CDC42EP4: variants seen among roughly 807,000 people sequenced by gnomAD.
The protein encoded by CDC42EP4 is CDC42 effector protein (Rho GTPase binding) 4.
Under a neutral mutation model 5.6 loss-of-function variants are expected in CDC42EP4, and 6 were observed. The ratio of observed to expected loss-of-function variants is 1.07; its 90% confidence interval spans 0.59 to 2.12. The LOEUF is 2.12. Among genes scored for constraint, CDC42EP4 ranks in the 30% most tolerant of loss-of-function variants. The pLI is 0.00. For missense variants in CDC42EP4, 490 were observed against 508.6 expected (o/e 0.96, Z 0.35); for synonymous variants, 230 against 224.2 (o/e 1.03, Z -0.23).
intron 1 of CDC42EP4, among the ~76,000 whole-genome samples, chr17:73,291,244 GGAAGGGTCCTGA>G (rs2062160002): frequency 6.6e-6 from 1 of 152,132 alleles, no homozygotes; most frequent in Non-Finnish European, 1.5e-5. Context: ...TAACCAGCAA[GGAAGGGTCCTGA>G]GAGAGTTGGG....
In CDC42EP4 at chr17:73,286,579, GGGCA is replaced by G; in HGVS notation, c.-83_-80del. On this transcript the variant is annotated 5_prime_UTR_variant, in exon 2 of 2. It removes the in-frame stop codon of an upstream open reading frame in the 5' UTR. Transcript: ENST00000335793. This position sits in a 1 kb window ranked among gnomAD's most constrained non-coding sequence, Gnocchi z 7.7. Reference sequence around the variant, plus strand: ...GTCAGATCTGAAGTCCAAGTCCAGTGGGCAGAGGGGGACGCAATGAGGAGATCAT... The same window carrying G: ...GTCAGATCTGAAGTCCAAGTCCAGTGGAGGGGGACGCAATGAGGAGATCAT... 1 of 1,007,894 alleles carries G rather than the reference GGGCA, an allele frequency of 9.9e-7. No individual in the cohort carries two copies. Among genetic ancestry groups the G allele is most frequent in the Non-Finnish European group, 1.4e-6 (1 of 697,728 alleles). 62.4% of individuals were successfully genotyped at this position (1,007,894 alleles called of 1,614,324 possible).
At chr17:73,288,764 T>G in intron 1 of CDC42EP4, among the ~76,000 whole-genome samples, 1 of 152,046 alleles carries the variant, frequency 6.6e-6, no homozygotes. Flanking sequence ...GCTTCCCTGT[T>G]CTCTCAAGCC....
intron 1 of CDC42EP4, among the ~76,000 whole-genome samples, chr17:73,302,033 T>C (rs9915980): frequency 0.45 from 68,915 of 151,814 alleles, 16,254 homozygotes; most frequent in East Asian, 0.58. Flanking sequence ...AGGGTTTCAC[T>C]GTGTTGGCCA....
At chr17:73,289,812 G>A (rs200438713) in intron 1 of CDC42EP4, among the ~76,000 whole-genome samples, 3 of 137,724 alleles carry the variant, frequency 2.2e-5, no homozygotes, top group Non-Finnish European at 4.7e-5. Flanking sequence ...AAAAGAAAGA[G>A]AGAAAGAAAA....
intron 1 of CDC42EP4, among the ~76,000 whole-genome samples, chr17:73,292,684 C>T (rs1243253753): frequency 2.0e-5 from 3 of 152,006 alleles, no homozygotes; most frequent in Non-Finnish European, 2.9e-5. Context: ...AGGAACCAGC[C>T]GGGTCAGAAG....
chr17:73,311,438 GC>G (rs1175036159), intron 1 of CDC42EP4: 1 of 152,622 alleles, frequency 6.6e-6, no homozygotes, highest in African/African-American at 2.4e-5. Context: ...GCGCACACAC[GC>G]CCCCCTCGCG....
chr17:73,286,561 C>G lies in CDC42EP4; in HGVS notation c.-61G>C, dbSNP rs762458530. The stretch of plus-strand genomic sequence containing the variant: ...GTAGCCGGCAGGTCTGGGGTCAGAT[C>G]TGAAGTCCAAGTCCAGTGGGCAGAG... On this transcript the variant is annotated 5_prime_UTR_variant, in exon 2 of 2. Transcript: ENST00000335793. The surrounding 1 kb of genome is among the most constrained non-coding windows in gnomAD (Gnocchi z 7.7). The G allele has an allele frequency of 7.5e-7, 1 of 1,334,318 alleles. No individual in the cohort carries two copies. Among genetic ancestry groups the G allele is most frequent in the Admixed American group, 2.3e-5 (1 of 43,270 alleles). The allele number at this position is 1,334,318 out of a possible 1,614,324, so 82.7% of individuals were successfully genotyped here.
At chr17:73,309,038 CA>C (rs57714877) in intron 1 of CDC42EP4, among the ~76,000 whole-genome samples, 19 of 34,012 alleles carry the variant, frequency 5.6e-4, no homozygotes, top group South Asian at 4.1e-3. Context: ...GCTCTGTCTC[CA>C]AAAAAAAAAA....
intron 1 of CDC42EP4, among the ~76,000 whole-genome samples, chr17:73,294,925 T>G (rs1014347313): frequency 2.0e-5 from 3 of 152,066 alleles, no homozygotes; most frequent in African/African-American, 7.2e-5. Flanking sequence ...TCTCCTGCCT[T>G]AGCCTCCTGA....
At chr17:73,288,755 CTTCCCTG>C (rs888950878) in intron 1 of CDC42EP4, among the ~76,000 whole-genome samples, 1 of 152,176 alleles carries the variant, frequency 6.6e-6, no homozygotes, top group African/African-American at 2.4e-5. Flanking sequence ...CCCCCATCCG[CTTCCCTG>C]TTCTCTCAAG....
rs374095213 is a variant in CDC42EP4, at chr17:73,306,023, A to G, written c.-113+5870T>C. On this transcript the variant is annotated intron_variant, in intron 1 of 1. Transcript: ENST00000335793. ...CGGATCTGGTTTCTTTCCTGATCTG[A>G]GTTCCCTCATCCCGTCACCTTTTAA... is the stretch of plus-strand genomic sequence containing the variant. Among the ~76,000 whole-genome samples the G allele has an allele frequency of 9.9e-5, 15 of 152,254 alleles. No individual in the cohort carries two copies. In the East Asian group the frequency reaches 2.5e-3, roughly 26 times the overall value.
At chr17:73,309,599 G>A (rs1212176603) in intron 1 of CDC42EP4, among the ~76,000 whole-genome samples, 1 of 152,104 alleles carries the variant, frequency 6.6e-6, no homozygotes, top group Non-Finnish European at 1.5e-5. Flanking sequence ...GAAAAGAGAA[G>A]AGGAATCCAA....
chr17:73,296,366 C>T (rs566351525), intron 1 of CDC42EP4, among the ~76,000 whole-genome samples: 2 of 146,092 alleles, frequency 1.4e-5, no homozygotes, highest in Admixed American at 7.0e-5. Context: ...TGCAGTGAGC[C>T]GAGATCACGC....
Position 73,285,994 on chromosome 17 carries a change from G to A in CDC42EP4, c.507C>T (p.Ala169=), listed in dbSNP as rs200911044. ...TEEAVPRRNG[A]AGPHSPDPLL... ...GGGGGTCAGGGGAATGTGGACCCGC[G>A]GCCCCATTCCGACGGGGCACTGCCT... The change falls in exon 2 of 2, where the codon GCC becomes GCT. Residue 169 remains alanine, a synonymous_variant. Coordinates refer to ENST00000335793, the MANE Select transcript of CDC42EP4 (RefSeq NM_012121.5). This position sits in a 1 kb window ranked among gnomAD's most constrained non-coding sequence, Gnocchi z 6.8. The A allele has an allele frequency of 2.4e-4, 386 of 1,613,362 alleles. 2 individuals are homozygous for A. In the Admixed American group the frequency reaches 5.7e-3, roughly 24 times the overall value.
rs139522601 is a variant in CDC42EP4 at position 73,286,228 on chromosome 17, C to T, written c.273G>A (p.Ser91=). The T allele has an allele frequency of 2.3e-4, 379 of 1,614,182 alleles. 1 individual carries two copies. In the African/African-American group the frequency reaches 3.8e-3, roughly 16 times the overall value. The part of the protein sequence containing the change: ...RKFRGSKRSQ[S]VTRGEREQRD... Reference sequence around the variant, plus strand: ...GCTGCTCCCGCTCCCCCCTGGTCACCGACTGTGACCGCTTGCTGCCCCGGA... The same window carrying T: ...GCTGCTCCCGCTCCCCCCTGGTCACTGACTGTGACCGCTTGCTGCCCCGGA... The change falls in exon 2 of 2, where the codon TCG becomes TCA. Residue 91 remains serine (S), a synonymous_variant. Transcript: ENST00000335793. The surrounding 1 kb of genome is among the most constrained non-coding windows in gnomAD (Gnocchi z 7.7).
intron 1 of CDC42EP4, among the ~76,000 whole-genome samples, chr17:73,299,386 T>C (rs113732526): frequency 2.0e-3 from 294 of 148,076 alleles, no homozygotes; most frequent in African/African-American, 2.7e-3. Flanking sequence ...GCCGAGATCA[T>C]GCCACTGCAC....
intron 1 of CDC42EP4, among the ~76,000 whole-genome samples, chr17:73,293,782 C>T (rs2062172379): frequency 6.6e-6 from 1 of 152,152 alleles, no homozygotes; most frequent in Non-Finnish European, 1.5e-5. Flanking sequence ...ACAGGGAAGG[C>T]GGAAGACTGT....
At chr17:73,294,387 C>A (rs945926683) in intron 1 of CDC42EP4, among the ~76,000 whole-genome samples, 1 of 152,004 alleles carries the variant, frequency 6.6e-6, no homozygotes, top group African/African-American at 2.4e-5. Context: ...AAAACAAACC[C>A]AGGATGGGAA....
chr17:73,307,447 C>CTTTTTTTTTT (rs398031541), intron 1 of CDC42EP4: 1 of 132,782 alleles, frequency 7.5e-6, no homozygotes, highest in Non-Finnish European at 1.6e-5. Flanking sequence ...TTCTTTCTTT[C>CTTTTTTTTTT]TTTTTTTTTT....
Sources: allele counts gnomAD v4.1 joint callset (sites outside exome capture counted in the v4.1 genomes callset), GRCh38; gene constraint gnomAD v4.1.1; non-coding constraint Gnocchi (gnomAD v3.1); transcripts MANE v1.5; gene names NCBI Gene and HGNC (gene_info 2026-07-23, HGNC 2026-07-21).